The following PRORP variants were observed in gnomAD, a reference collection of about 807,000 sequenced individuals.
PRORP encodes protein only RNase P catalytic subunit.
In PRORP, 51 loss-of-function variants were observed where a neutral mutation model predicts 59.4. That is an observed-to-expected ratio of 0.86 (90% confidence interval 0.69 to 1.08). The LOEUF (loss-of-function observed/expected upper bound fraction) is 1.08. Among genes scored for constraint, PRORP ranks in the 50% least tolerant of loss-of-function variants. The pLI is 0.00. For synonymous variants in PRORP, 231 were observed against 245.6 expected, an observed-to-expected ratio of 0.94 and a Z score of 0.55; for missense variants, 646 against 690.3, an observed-to-expected ratio of 0.94 and a Z score of 0.72.
At chr14:35,130,030 C>CT (rs1180777805) in intron 4 of PRORP, among the ~76,000 whole-genome samples, 2,834 of 129,914 alleles carry the variant, frequency 0.022, 68 homozygotes, top group Non-Finnish European at 0.033. Flanking sequence ...TTTAGACTTT[C>CT]TTTTTTTTTT....
chr14:35,199,164 T>A (rs28714617), intron 5 of PRORP, among the ~76,000 whole-genome samples: 24,554 of 149,988 alleles, frequency 0.16, 2,528 homozygotes, highest in African/African-American at 0.29. Flanking sequence ...GTGAAACTCC[T>A]TTGAAAAAAA....
intron 4 of PRORP, among the ~76,000 whole-genome samples, chr14:35,145,932 G>T (rs2047600033): frequency 6.6e-6 from 1 of 151,482 alleles, no homozygotes; most frequent in African/African-American, 2.4e-5. Context: ...GGGTTCAAGC[G>T]ATTCTCCTGC....
At chr14:35,130,335 C>G (rs1053546593) in intron 4 of PRORP, among the ~76,000 whole-genome samples, 2 of 151,898 alleles carry the variant, frequency 1.3e-5, no homozygotes, top group Admixed American at 6.6e-5. Flanking sequence ...TCACTAAACT[C>G]ATTGTTTAGT....
chr14:35,147,171 AT>A (rs981615117), intron 4 of PRORP, among the ~76,000 whole-genome samples: 3 of 152,178 alleles, frequency 2.0e-5, no homozygotes, highest in African/African-American at 7.2e-5. Flanking sequence ...GTCTAAAAAA[AT>A]ATATATAGAT....
intron 7 of PRORP, among the ~76,000 whole-genome samples, chr14:35,272,162 TAA>T (rs1241852932): frequency 1.3e-5 from 2 of 152,208 alleles, no homozygotes; most frequent in South Asian, 2.1e-4. Context: ...TGAAAATTGC[TAA>T]GAGTAGATTT....
intron 5 of PRORP, chr14:35,262,690 A>G (rs2050936320): frequency 1.2e-6 from 1 of 802,832 alleles, no homozygotes; most frequent in South Asian, 1.3e-5. Flanking sequence ...AGTCATGTAC[A>G]GAACATGATC....
rs1346105199 is a variant in PRORP, at chr14:35,182,295, A to G, written c.1275+1518A>G. Among the ~76,000 whole-genome samples, 6 of 152,088 alleles carry G rather than the reference A, an allele frequency of 3.9e-5. No individual in the cohort carries two copies. The South Asian group carries it at 1.2e-3, about 31-fold the overall frequency. ...AATAAAAAGTAAATAAAATGTTTAC[A>G]ATATGTGACAAAGAGCAAATTTCCT... On this transcript the variant is annotated intron_variant, in intron 5 of 7. Coordinates refer to ENST00000534898, the MANE Select transcript of PRORP (RefSeq NM_014672.4).
chr14:35,236,929 CTCTT>C (rs146665663), intron 5 of PRORP, among the ~76,000 whole-genome samples: 8,438 of 151,758 alleles, frequency 0.056, 602 homozygotes, highest in African/African-American at 0.17. Flanking sequence ...TTCTTTCTCT[CTCTT>C]TCTCCTTCTT....
chr14:35,155,329 A>AG (rs965286541), intron 4 of PRORP, among the ~76,000 whole-genome samples: 3 of 152,182 alleles, frequency 2.0e-5, no homozygotes, highest in Non-Finnish European at 4.4e-5. Context: ...ATTGGTCATG[A>AG]GATGATAAAG....
chr14:35,228,716 A>G (rs182541957), intron 5 of PRORP, among the ~76,000 whole-genome samples: 11 of 152,332 alleles, frequency 7.2e-5, no homozygotes, highest in African/African-American at 2.2e-4. Flanking sequence ...ATTGATGGGC[A>G]TCTAGGTTGA....
intron 4 of PRORP, among the ~76,000 whole-genome samples, chr14:35,161,113 C>A (rs2415263): frequency 0.53 from 80,319 of 151,974 alleles, 21,549 homozygotes; most frequent in East Asian, 0.69. Context: ...AGGAAGCAGG[C>A]AAAGTTACTT....
chr14:35,215,831 AT>A (rs1377592805), intron 5 of PRORP, among the ~76,000 whole-genome samples: 4 of 151,126 alleles, frequency 2.6e-5, no homozygotes, highest in Admixed American at 1.3e-4. Context: ...CAGTGGCATG[AT>A]CTCGGCTCAC....
intron 5 of PRORP, among the ~76,000 whole-genome samples, chr14:35,229,962 T>C (rs1452969847): frequency 6.6e-6 from 1 of 152,088 alleles, no homozygotes; most frequent in African/African-American, 2.4e-5. Context: ...GTTGATTACA[T>C]ATATGATAGG....
At chr14:35,182,487 A>G (rs61202938) in intron 5 of PRORP, among the ~76,000 whole-genome samples, 3 of 152,086 alleles carry the variant, frequency 2.0e-5, no homozygotes, top group East Asian at 1.9e-4. Context: ...TCTACTAAAA[A>G]TGCAAAAATT....
At chr14:35,218,540 TTG>T (rs1300809869) in intron 5 of PRORP, among the ~76,000 whole-genome samples, 15,726 of 34,728 alleles carry the variant, frequency 0.45, 2,255 homozygotes, top group Non-Finnish European at 0.47. Flanking sequence ...TTTTTTTTTT[TTG>T]TTGAGACAGA....
chr14:35,183,692 A>G (rs1046764174), intron 5 of PRORP, among the ~76,000 whole-genome samples: 1 of 152,182 alleles, frequency 6.6e-6, no homozygotes, highest in Non-Finnish European at 1.5e-5. Context: ...AATTTATACT[A>G]CCACCAAAAG....
At chr14:35,125,970 C>G (rs760030047) in intron 2 of PRORP, among the ~76,000 whole-genome samples, 6 of 152,108 alleles carry the variant, frequency 3.9e-5, no homozygotes, top group Admixed American at 1.3e-4. Context: ...CTGCAGGGAG[C>G]TGTGATGGCG....
intron 4 of PRORP, among the ~76,000 whole-genome samples, chr14:35,169,198 T>C (rs2048256422): frequency 6.6e-6 from 1 of 152,130 alleles, no homozygotes; most frequent in Non-Finnish European, 1.5e-5. Flanking sequence ...GTTCAAAATA[T>C]TTCCTAATTC....
At chr14:35,216,880 G>A (rs547543034) in intron 5 of PRORP, among the ~76,000 whole-genome samples, 24 of 152,192 alleles carry the variant, frequency 1.6e-4, no homozygotes, top group Non-Finnish European at 7.4e-5. Flanking sequence ...TTTTTGACTC[G>A]TGTTTCTCTG....
Sources: allele counts gnomAD v4.1 joint callset (sites outside exome capture counted in the v4.1 genomes callset), GRCh38; gene constraint gnomAD v4.1.1; transcripts MANE v1.5; gene names NCBI Gene and HGNC (gene_info 2026-07-23, HGNC 2026-07-21).